IPCEF1: variants seen among roughly 807,000 people sequenced by gnomAD.
IPCEF1 encodes interaction protein for cytohesin exchange factors 1, also known as interactor protein for cytohesin exchange factors 1.
A neutral mutation model predicts 50.9 loss-of-function variants in IPCEF1; 31 were observed. The observed-to-expected ratio is 0.61, with a 90% CI of 0.46 to 0.82. The LOEUF (loss-of-function observed/expected upper bound fraction) is 0.82, where lower values mean the gene tolerates loss of function less well. Among genes scored for constraint, IPCEF1 ranks in the 40% least tolerant of loss-of-function variants. The pLI, the probability that IPCEF1 is intolerant of heterozygous loss-of-function variation, is 0.00. For missense variants in IPCEF1, 458 were observed against 514.0 expected (o/e 0.89, Z 1.05); for synonymous variants, 181 against 192.0 (o/e 0.94, Z 0.47).
intron 1 of IPCEF1, among the ~76,000 whole-genome samples, chr6:154,329,178 G>A (rs1460359122): frequency 2.0e-5 from 3 of 151,932 alleles, no homozygotes; most frequent in African/African-American, 7.2e-5. Flanking sequence ...TTGGGAGGTC[G>A]ACGGGGGAGA....
intron 5 of IPCEF1, among the ~76,000 whole-genome samples, chr6:154,223,506 T>TTAGG (rs1259307139): frequency 6.6e-6 from 1 of 151,896 alleles, no homozygotes; most frequent in East Asian, 1.9e-4. Flanking sequence ...TATGGCAGGC[T>TTAGG]TAGGGCCTGT....
intron 5 of IPCEF1, among the ~76,000 whole-genome samples, chr6:154,225,210 T>G (rs1347717167): frequency 6.6e-6 from 1 of 152,168 alleles, no homozygotes; most frequent in Non-Finnish European, 1.5e-5. Context: ...GCTCAAAAAC[T>G]TTCAGATTTT....
intron 1 of IPCEF1, among the ~76,000 whole-genome samples, chr6:154,345,115 C>T (rs973406501): frequency 5.3e-5 from 8 of 152,222 alleles, no homozygotes; most frequent in African/African-American, 1.9e-4. Flanking sequence ...GGTGATCCAC[C>T]CGCCTTGGCC....
chr6:154,210,233 CA>C (rs1777856418), intron 9 of IPCEF1, among the ~76,000 whole-genome samples: 1 of 152,134 alleles, frequency 6.6e-6, no homozygotes, highest in African/African-American at 2.4e-5. Flanking sequence ...ATGCTCTTAG[CA>C]AAGTAACCTG....
intron 10 of IPCEF1, among the ~76,000 whole-genome samples, chr6:154,193,487 CA>C (rs1234409905): frequency 6.6e-6 from 1 of 151,964 alleles, no homozygotes; most frequent in Non-Finnish European, 1.5e-5. Flanking sequence ...ACCTGTTCCC[CA>C]AAAACCTATG....
At chr6:154,182,242 C>A (rs541940632) in intron 10 of IPCEF1, among the ~76,000 whole-genome samples, 1 of 152,180 alleles carries the variant, frequency 6.6e-6, no homozygotes, top group Admixed American at 6.5e-5. Flanking sequence ...CCTTCTCTGC[C>A]AGAGTCATGT....
At chr6:154,196,103 T>C (rs1776606246) in intron 10 of IPCEF1, among the ~76,000 whole-genome samples, 2 of 152,186 alleles carry the variant, frequency 1.3e-5, no homozygotes, top group African/African-American at 4.8e-5. Context: ...CTGGTTCACA[T>C]TTTATTCACT....
At position 154,159,903 on chromosome 6, in the gene IPCEF1, G is replaced by A. The variant is rs1263675905; in HGVS notation, c.1242C>T (p.Ala414=). 1 of 1,613,658 alleles carries A rather than the reference G, an allele frequency of 6.2e-7. No individual in the cohort carries two copies. ...GGGGGGTGTCATCAGTGTCATCAGGGGCAGGCGAAGCCCGCTGCTGCTGAT... is the reference window on the plus strand; with the variant it reads ...GGGGGGTGTCATCAGTGTCATCAGGAGCAGGCGAAGCCCGCTGCTGCTGAT... The part of the protein sequence containing the change: ...DIYQQQRASP[A]PDDTDDTPQE... The change falls in exon 12 of 12, where the codon GCC becomes GCT. Residue 414 remains alanine (A), a synonymous_variant. Coordinates refer to ENST00000367220, the MANE Select transcript of IPCEF1 (RefSeq NM_001130700.2).
intron 2 of IPCEF1, among the ~76,000 whole-genome samples, chr6:154,283,353 T>C (rs1782275181): frequency 6.7e-6 from 1 of 149,564 alleles, no homozygotes; most frequent in African/African-American, 2.5e-5. Flanking sequence ...TCCCAGTACT[T>C]TGGGAGGCCG....
At chr6:154,233,484 GAGAGACTTTTTTCTTACAA>G (rs1779879385) in intron 5 of IPCEF1, among the ~76,000 whole-genome samples, 1 of 152,144 alleles carries the variant, frequency 6.6e-6, no homozygotes, top group Non-Finnish European at 1.5e-5. Flanking sequence ...TTTAGATCCA[GAGAGACTTTTTTCTTACAA>G]ACACCTAGAA....
At chr6:154,302,892 G>A (rs1358225163) in intron 1 of IPCEF1, among the ~76,000 whole-genome samples, 1 of 152,084 alleles carries the variant, frequency 6.6e-6, no homozygotes, top group Non-Finnish European at 1.5e-5. Context: ...CTTAGTAGAT[G>A]CTTAATAATT....
intron 11 of IPCEF1, among the ~76,000 whole-genome samples, chr6:154,164,453 C>T (rs1799263975): frequency 6.6e-6 from 1 of 152,192 alleles, no homozygotes; most frequent in African/African-American, 2.4e-5. Context: ...CTCCTTCCTA[C>T]ACCAGGCATC....
At chr6:154,322,172 C>A (rs1175984029) in intron 1 of IPCEF1, among the ~76,000 whole-genome samples, 1 of 151,996 alleles carries the variant, frequency 6.6e-6, no homozygotes, top group East Asian at 1.9e-4. Context: ...AAACAAAAAA[C>A]AAAAAACCTT....
Position 154,192,934 on chromosome 6 carries a change from C to T in IPCEF1, c.910+6734G>A, listed in dbSNP as rs567773403. On this transcript the variant is annotated intron_variant, in intron 10 of 11. Coordinates refer to ENST00000367220, the MANE Select transcript of IPCEF1 (RefSeq NM_001130700.2). ...CTGCTGGTGGGAATGTAAACTAGGACAACCACACTATGGAAAACAGTGTGG... is the reference window on the plus strand; with the variant it reads ...CTGCTGGTGGGAATGTAAACTAGGATAACCACACTATGGAAAACAGTGTGG... Among the ~76,000 whole-genome samples, 8 of 152,258 alleles carry T rather than the reference C, an allele frequency of 5.3e-5. No homozygotes were observed. In the East Asian group the frequency reaches 9.6e-4, roughly 18 times the overall value.
intron 10 of IPCEF1, among the ~76,000 whole-genome samples, chr6:154,178,138 G>A (rs1231862651): frequency 1.3e-5 from 2 of 151,374 alleles, no homozygotes; most frequent in Non-Finnish European, 2.9e-5. Flanking sequence ...GGGGCCTGTT[G>A]GTGGGTGGGG....
At chr6:154,281,614 C>CACTTTGGGAGG (rs1172573003) in intron 2 of IPCEF1, among the ~76,000 whole-genome samples, 1 of 152,130 alleles carries the variant, frequency 6.6e-6, no homozygotes, top group East Asian at 1.9e-4. Context: ...GTAATCCCAG[C>CACTTTGGGAGG]ACTTTGGGAG....
chr6:154,194,572 G>A (rs565333932), intron 10 of IPCEF1, among the ~76,000 whole-genome samples: 4 of 151,816 alleles, frequency 2.6e-5, no homozygotes, highest in Admixed American at 6.6e-5. Context: ...CTAAGCTTAC[G>A]TACCTCCAAA....
At chr6:154,202,549 G>A (rs1055135798) in intron 9 of IPCEF1, among the ~76,000 whole-genome samples, 2 of 151,772 alleles carry the variant, frequency 1.3e-5, no homozygotes, top group East Asian at 1.9e-4. Context: ...TCCTTTTTTC[G>A]AAACAACACC....
chr6:154,298,504 A>G (rs974975588), intron 1 of IPCEF1, among the ~76,000 whole-genome samples: 1 of 152,202 alleles, frequency 6.6e-6, no homozygotes, highest in Non-Finnish European at 1.5e-5. Context: ...TCAAGAGGGC[A>G]TTGTTATTTG....
Sources: gnomAD v4.1 joint callset for allele counts (sites outside exome capture counted in the v4.1 genomes callset) on GRCh38, gnomAD v4.1.1 for gene constraint, MANE v1.5 for transcripts, NCBI Gene and HGNC (gene_info 2026-07-23, HGNC 2026-07-21) for gene names.